The following PDGFC variants were observed in gnomAD, a reference collection of about 807,000 sequenced individuals.
PDGFC encodes platelet-derived growth factor C.
A neutral mutation model predicts 35.5 loss-of-function variants in PDGFC; 12 were observed. That is an observed-to-expected ratio of 0.34 (90% CI 0.22 to 0.55). PDGFC has a LOEUF of 0.55. Ranked by LOEUF, PDGFC falls within the 20% of genes least tolerant of loss-of-function variation. The pLI, the probability that PDGFC is intolerant of heterozygous loss-of-function variation, is 0.91. For missense variants in PDGFC, 322 were observed against 412.4 expected, an observed-to-expected ratio of 0.78 and a Z score of 1.90; for synonymous variants, 159 against 148.8, an observed-to-expected ratio of 1.07 and a Z score of -0.50.
intron 2 of PDGFC, among the ~76,000 whole-genome samples, chr4:156,824,317 T>TACGC (rs1165371518): frequency 1.1e-5 from 1 of 92,956 alleles, no homozygotes; most frequent in African/African-American, 5.3e-5. Flanking sequence ...TATATATATA[T>TACGC]ATATATATAT....
intron 1 of PDGFC, among the ~76,000 whole-genome samples, chr4:156,961,286 G>T (rs1252006330): frequency 6.6e-6 from 1 of 151,936 alleles, no homozygotes; most frequent in East Asian, 1.9e-4. Flanking sequence ...TTATAAATAC[G>T]CAGCAAAATA....
intron 2 of PDGFC, among the ~76,000 whole-genome samples, chr4:156,826,798 A>G (rs931293572): frequency 6.6e-6 from 1 of 152,198 alleles, no homozygotes; most frequent in Non-Finnish European, 1.5e-5. Flanking sequence ...AAATATTTAA[A>G]CAGCTGACCA....
Position 156,860,180 on chromosome 4 carries a change from T to C in PDGFC, c.119-9764A>G, listed in dbSNP as rs923513239. Among the ~76,000 whole-genome samples the C allele has an allele frequency of 2.6e-5, 4 of 152,196 alleles. No individual in the cohort carries two copies. The East Asian group carries it at 7.7e-4, about 29-fold the overall frequency. On this transcript the variant is annotated intron_variant, in intron 1 of 5. Coordinates refer to ENST00000502773, the MANE Select transcript of PDGFC (RefSeq NM_016205.3). ...GAGATTATTCTCTAACACCCCATTA[T>C]CACTAGTTCCTTCAACATTATTGAA...
intron 1 of PDGFC, among the ~76,000 whole-genome samples, chr4:156,907,276 T>C (rs1251091873): frequency 6.6e-6 from 1 of 152,198 alleles, no homozygotes; most frequent in Admixed American, 6.5e-5. Flanking sequence ...TGTTGATTTT[T>C]AGCCAGATTT....
chr4:156,778,720 C>T, intron 3 of PDGFC, among the ~76,000 whole-genome samples: 1 of 152,244 alleles, frequency 6.6e-6, no homozygotes, highest in East Asian at 1.9e-4. Context: ...GTGGCCAGTG[C>T]AATTTTAAAA....
At chr4:156,821,535 T>C (rs571910569) in intron 2 of PDGFC, among the ~76,000 whole-genome samples, 9 of 152,062 alleles carry the variant, frequency 5.9e-5, no homozygotes, top group African/African-American at 1.9e-4. Context: ...ACCACCACTC[T>C]CTACGTATAT....
At chr4:156,930,741 G>A (rs1337001677) in intron 1 of PDGFC, among the ~76,000 whole-genome samples, 2 of 152,012 alleles carry the variant, frequency 1.3e-5, no homozygotes, top group East Asian at 1.9e-4. Context: ...GGTGGTGCAC[G>A]CCTGTAATCC....
chr4:156,886,360 C>T (rs1730375791), intron 1 of PDGFC, among the ~76,000 whole-genome samples: 1 of 152,106 alleles, frequency 6.6e-6, no homozygotes, highest in Admixed American at 6.5e-5. Flanking sequence ...GCTACTTCAT[C>T]CCAAAAGATT....
In PDGFC at chr4:156,780,863, G is replaced by A. The variant is rs28496465; in HGVS notation, c.496-7970C>T. Among the ~76,000 whole-genome samples, 261 of 152,214 alleles carry A rather than the reference G, an allele frequency of 1.7e-3. 1 individual carries two copies. The highest frequency in any genetic ancestry group is 5.7e-3 in the African/African-American group (237 of 41,524). On this transcript the variant is annotated intron_variant, in intron 3 of 5. Coordinates refer to ENST00000502773, the MANE Select transcript of PDGFC (RefSeq NM_016205.3). ...GTCTGTTTTTTCAGTCTTACTAACTGACCAATCAGTGTGTGAAAGTGGCTT... is the reference window on the plus strand; with the variant it reads ...GTCTGTTTTTTCAGTCTTACTAACTAACCAATCAGTGTGTGAAAGTGGCTT...
chr4:156,780,750 T>A (rs1730955691), intron 3 of PDGFC, among the ~76,000 whole-genome samples: 1 of 152,048 alleles, frequency 6.6e-6, no homozygotes, highest in Non-Finnish European at 1.5e-5. Flanking sequence ...GTGAACTGCT[T>A]TGAGGGGAAA....
intron 1 of PDGFC, among the ~76,000 whole-genome samples, chr4:156,938,630 A>G (rs752446735): frequency 8.5e-5 from 13 of 152,048 alleles, no homozygotes; most frequent in Non-Finnish European, 1.8e-4. Flanking sequence ...ATAAAATTTC[A>G]TGTTTGTAAA....
intron 3 of PDGFC, among the ~76,000 whole-genome samples, chr4:156,777,207 AG>A (rs1730853041): frequency 6.6e-6 from 1 of 152,306 alleles, no homozygotes; most frequent in African/African-American, 2.4e-5. Flanking sequence ...TATCCTAGAA[AG>A]GCATGTCTGG....
rs1027194679 is a variant in PDGFC at position 156,767,654 on chromosome 4, C to T, written c.921+119G>A. The T allele has an allele frequency of 1.2e-5, 8 of 652,706 alleles. No homozygotes were observed. In the African/African-American group the frequency reaches 1.3e-4, roughly 10 times the overall value. 40.4% of individuals were successfully genotyped at this position (652,706 alleles called of 1,614,324 possible). The stretch of plus-strand genomic sequence containing the variant: ...AAAAACATAAACTATTTGTAGACCT[C>T]TTTTTTTTCCCCATGAATACTACGT... On this transcript the variant is annotated intron_variant, in intron 5 of 5. Transcript: ENST00000502773.
At chr4:156,951,172 C>T (rs1436731057) in intron 1 of PDGFC, among the ~76,000 whole-genome samples, 1 of 151,738 alleles carries the variant, frequency 6.6e-6, no homozygotes, top group Admixed American at 6.6e-5. Flanking sequence ...ATAAATAAAC[C>T]TCCAATAACA....
chr4:156,772,099 A>C (rs1412786512), intron 4 of PDGFC, among the ~76,000 whole-genome samples: 1 of 151,752 alleles, frequency 6.6e-6, no homozygotes, highest in African/African-American at 2.4e-5. Flanking sequence ...TATAGTTAAA[A>C]ATTATTATGG....
chr4:156,829,187 C>T (rs1728866049), intron 2 of PDGFC, among the ~76,000 whole-genome samples: 1 of 152,186 alleles, frequency 6.6e-6, no homozygotes, highest in South Asian at 2.1e-4. Flanking sequence ...ACTCTTATTT[C>T]CAATGCCAAG....
chr4:156,804,224 A>G (rs1731694095), intron 3 of PDGFC, among the ~76,000 whole-genome samples: 1 of 152,072 alleles, frequency 6.6e-6, no homozygotes, highest in Non-Finnish European at 1.5e-5. Flanking sequence ...ATAAACAAAT[A>G]AATAAATAAC....
chr4:156,921,212 A>G (rs1463885694), intron 1 of PDGFC, among the ~76,000 whole-genome samples: 1 of 152,246 alleles, frequency 6.6e-6, no homozygotes, highest in Non-Finnish European at 1.5e-5. Flanking sequence ...TTGTGCCAGT[A>G]GAAAAGAAAG....
At position 156,763,028 on chromosome 4, in the gene PDGFC, C is replaced by G. The variant is rs1730419203; in HGVS notation, c.*62G>C. ...TAAGGATGGAGATAACGCATACGTT[C>G]TCTAATAGAATCAGCCACTGCACTG... is the stretch of plus-strand genomic sequence containing the variant. On this transcript the variant is annotated 3_prime_UTR_variant, in exon 6 of 6. Coordinates refer to ENST00000502773, the MANE Select transcript of PDGFC (RefSeq NM_016205.3). 1 of 830,274 alleles carries G rather than the reference C, an allele frequency of 1.2e-6. No individual in the cohort carries two copies. The highest frequency in any genetic ancestry group is 2.1e-6 in the Non-Finnish European group (1 of 469,390). The allele number at this position is 830,274 out of a possible 1,614,324, so 51.4% of individuals were successfully genotyped here.
Sources: allele counts gnomAD v4.1 joint callset (sites outside exome capture counted in the v4.1 genomes callset), GRCh38; gene constraint gnomAD v4.1.1; transcripts MANE v1.5; gene names NCBI Gene and HGNC (gene_info 2026-07-23, HGNC 2026-07-21).